SLC16A10: variants seen among roughly 807,000 people sequenced by gnomAD.
SLC16A10 encodes monocarboxylate transporter 10.
SLC16A10 carries 27 observed loss-of-function variants against 40.0 expected under a neutral mutation model. That is an observed-to-expected ratio of 0.67 (90% confidence interval 0.50 to 0.93). SLC16A10 has a LOEUF of 0.93. SLC16A10 is among the 40% of genes least tolerant of loss of function. The probability of loss-of-function intolerance (pLI) is 0.00; values close to 1 mark genes in which losing one functional copy is unlikely to be tolerated. For synonymous variants in SLC16A10, 213 were observed against 249.8 expected (o/e 0.85, Z 1.39); for missense variants, 529 against 658.2 (o/e 0.80, Z 2.15).
At chr6:111,128,752 G>T (rs920782350) in intron 1 of SLC16A10, among the ~76,000 whole-genome samples, 5 of 150,638 alleles carry the variant, frequency 3.3e-5, no homozygotes, top group Admixed American at 2.6e-4. Context: ...CTCCTTAGTG[G>T]TTTTTTTTTA....
At chr6:111,091,715 A>T (rs1354668924) in intron 1 of SLC16A10, among the ~76,000 whole-genome samples, 1 of 151,936 alleles carries the variant, frequency 6.6e-6, no homozygotes, top group Non-Finnish European at 1.5e-5. Context: ...GGCTCTGTTA[A>T]CTCTTCCCAC....
chr6:111,150,771 T>A (rs747941916), intron 1 of SLC16A10, among the ~76,000 whole-genome samples: 6 of 152,172 alleles, frequency 3.9e-5, no homozygotes, highest in Non-Finnish European at 8.8e-5. Flanking sequence ...AGGCTCTGAG[T>A]TGACTCCACT....
intron 1 of SLC16A10, among the ~76,000 whole-genome samples, chr6:111,155,731 T>G (rs1772259110): frequency 6.6e-6 from 1 of 152,180 alleles, no homozygotes; most frequent in Non-Finnish European, 1.5e-5. Flanking sequence ...AATTTATGTT[T>G]AGCTTAATGT....
chr6:111,192,569 G>A (rs1773012698), intron 3 of SLC16A10, among the ~76,000 whole-genome samples: 2 of 152,110 alleles, frequency 1.3e-5, no homozygotes, highest in South Asian at 4.1e-4. Context: ...CTTTACAGCA[G>A]CACCCCACTA....
chr6:111,115,524 A>G (rs1326918810), intron 1 of SLC16A10, among the ~76,000 whole-genome samples: 1 of 152,176 alleles, frequency 6.6e-6, no homozygotes, highest in African/African-American at 2.4e-5. Context: ...AAAGTTTTTA[A>G]TGGTAAAGAT....
chr6:111,169,377 G>A (rs1340457250), intron 1 of SLC16A10, among the ~76,000 whole-genome samples: 1 of 152,210 alleles, frequency 6.6e-6, no homozygotes, highest in Non-Finnish European at 1.5e-5. Context: ...ACTCTGAGGT[G>A]AGACTCTGAA....
At chr6:111,221,385 T>G (rs1220119415) in intron 5 of SLC16A10, among the ~76,000 whole-genome samples, 2 of 152,196 alleles carry the variant, frequency 1.3e-5, no homozygotes, top group East Asian at 3.8e-4. Flanking sequence ...ATTTAAAATT[T>G]TTCTTAATTT....
intron 1 of SLC16A10, among the ~76,000 whole-genome samples, chr6:111,120,002 G>T (rs913291611): frequency 6.6e-6 from 1 of 152,186 alleles, no homozygotes. Context: ...TAGTATTAAT[G>T]GGGACATCCA....
At chr6:111,098,741 G>A (rs1013446867) in intron 1 of SLC16A10, among the ~76,000 whole-genome samples, 3 of 152,104 alleles carry the variant, frequency 2.0e-5, no homozygotes, top group African/African-American at 7.2e-5. Flanking sequence ...CATCTCAAAG[G>A]GTTCACATTT....
At position 111,225,040 on chromosome 6, in the gene SLC16A10, A is replaced by G. The variant is rs988654375; in HGVS notation, c.*2805A>G. 1.3e-5 allele frequency: 2 copies of G among 152,238 alleles called. No homozygotes were observed. The highest frequency in any genetic ancestry group is 2.4e-5 in the African/African-American group (1 of 41,466). 9.4% of individuals were successfully genotyped at this position (152,238 alleles called of 1,614,324 possible). ...TTATAGATACTCTAGATTGGATACTATTGTAACAGATGGCCAAGAAACTTC... is the reference window on the plus strand; with the variant it reads ...TTATAGATACTCTAGATTGGATACTGTTGTAACAGATGGCCAAGAAACTTC... On this transcript the variant is annotated 3_prime_UTR_variant, in exon 6 of 6. Transcript: ENST00000368851.
chr6:111,188,724 T>C (rs572290907), intron 3 of SLC16A10, among the ~76,000 whole-genome samples: 1 of 152,370 alleles, frequency 6.6e-6, no homozygotes, highest in African/African-American at 2.4e-5. Context: ...GTTGTTGTTA[T>C]GTGGCCTGGA....
chr6:111,193,865 T>G (rs1478397347), intron 3 of SLC16A10, among the ~76,000 whole-genome samples: 2 of 152,192 alleles, frequency 1.3e-5, no homozygotes, highest in East Asian at 3.8e-4. Context: ...GCCCTTATAT[T>G]GGGTAATATA....
At chr6:111,097,414 C>T (rs911941768) in intron 1 of SLC16A10, among the ~76,000 whole-genome samples, 2 of 151,888 alleles carry the variant, frequency 1.3e-5, no homozygotes, top group Non-Finnish European at 2.9e-5. Flanking sequence ...TGGGTTCAAG[C>T]GATTTTCGTG....
intron 4 of SLC16A10, among the ~76,000 whole-genome samples, chr6:111,208,312 G>T (rs535357308): frequency 1.3e-5 from 2 of 152,112 alleles, no homozygotes; most frequent in African/African-American, 4.8e-5. Flanking sequence ...TCGGCTGTGC[G>T]TGGTGGCTCA....
chr6:111,158,592 T>G (rs1772315346), intron 1 of SLC16A10, among the ~76,000 whole-genome samples: 1 of 152,196 alleles, frequency 6.6e-6, no homozygotes, highest in Non-Finnish European at 1.5e-5. Flanking sequence ...ACTCACCTCC[T>G]GCTGTGTGGC....
chr6:111,213,737 CAG>C (rs1015087121), intron 4 of SLC16A10, among the ~76,000 whole-genome samples: 3 of 152,192 alleles, frequency 2.0e-5, no homozygotes, highest in Admixed American at 6.5e-5. Flanking sequence ...AGAAGGTTGA[CAG>C]ACTCCCTGTG....
chr6:111,183,827 C>G (rs1772847267), intron 3 of SLC16A10, among the ~76,000 whole-genome samples: 1 of 151,990 alleles, frequency 6.6e-6, no homozygotes, highest in South Asian at 2.1e-4. Flanking sequence ...TCTTCAGTAC[C>G]CACTGAAAAA....
In SLC16A10 at chr6:111,229,347, G is replaced by A. The variant is rs566127570; in HGVS notation, c.*7112G>A. 9.2e-5 allele frequency: 14 copies of A among 152,076 alleles called. No homozygotes were observed. The highest frequency in any genetic ancestry group is 2.1e-4 in the South Asian group (1 of 4,816). 9.4% of individuals were successfully genotyped at this position (152,076 alleles called of 1,614,324 possible). A position where few individuals can be genotyped will look rare whatever the true frequency, so the allele number is the denominator to read the frequency against. On this transcript the variant is annotated 3_prime_UTR_variant, in exon 6 of 6. Transcript: ENST00000368851. ...GTTAACATATAAGACTTTAAATTAC[G>A]AAACTCACAAGAAAATGATCACCAA... is the stretch of plus-strand genomic sequence containing the variant.
intron 1 of SLC16A10, among the ~76,000 whole-genome samples, chr6:111,105,608 G>A (rs768622213): frequency 9.9e-5 from 15 of 152,222 alleles, no homozygotes; most frequent in Non-Finnish European, 1.6e-4. Context: ...ACACACAAGT[G>A]TGTTTTGCCT....
Sources: gnomAD v4.1 joint callset for allele counts (sites outside exome capture counted in the v4.1 genomes callset) on GRCh38, gnomAD v4.1.1 for gene constraint, MANE v1.5 for transcripts, NCBI Gene and HGNC (gene_info 2026-07-23, HGNC 2026-07-21) for gene names.